The following GSDME variants were observed in gnomAD, a reference collection of about 807,000 sequenced individuals.
GSDME encodes the protein gasdermin-E.
In GSDME, 44 loss-of-function variants were observed where a neutral mutation model predicts 47.5. The observed-to-expected ratio is 0.93, with a 90% CI of 0.73 to 1.19. GSDME has a LOEUF of 1.19. Among genes scored for constraint, GSDME ranks in the 50% most tolerant of loss-of-function variants. The pLI is 0.00. For synonymous variants in GSDME, 258 were observed against 252.8 expected (o/e 1.02, Z -0.20); for missense variants, 663 against 604.2 (o/e 1.10, Z -1.02).
chr7:24,744,387 C>G lies in GSDME; in HGVS notation c.404+175G>C. On this transcript the variant is annotated intron_variant, in intron 3 of 9. Transcript: ENST00000645220. This position sits in a 1 kb window ranked among gnomAD's most constrained non-coding sequence, Gnocchi z 4.5. The stretch of plus-strand genomic sequence containing the variant: ...TCCCCCCACTCAGGCTAAGAACAGT[C>G]AAGCAATTCCAGACTAAAGAATGTG... The G allele has an allele frequency of 1.3e-6, 1 of 743,346 alleles. No homozygotes were observed. Among genetic ancestry groups the G allele is most frequent in the Non-Finnish European group, 2.3e-6 (1 of 437,852 alleles). The allele number at this position is 743,346 out of a possible 1,614,324, so 46.0% of individuals were successfully genotyped here.
chr7:24,766,438 T>A, the GSDME span, among the ~76,000 whole-genome samples: 6 of 152,122 alleles, frequency 3.9e-5, no homozygotes, highest in Admixed American at 2.0e-4. This position sits in a 1 kb window ranked among gnomAD's most constrained non-coding sequence, Gnocchi z 4.2. Context: ...TTTCTCCTAA[T>A]GCTCTCCCTC....
chr7:24,786,039 T>C, the GSDME span, among the ~76,000 whole-genome samples: 2 of 152,252 alleles, frequency 1.3e-5, no homozygotes, highest in Non-Finnish European at 2.9e-5. This position sits in a 1 kb window ranked among gnomAD's most constrained non-coding sequence, Gnocchi z 5.5. Flanking sequence ...GTCTGGCACA[T>C]GTCTGGTGGT....
the GSDME span, among the ~76,000 whole-genome samples, chr7:24,764,485 C>A: frequency 6.6e-6 from 1 of 152,192 alleles, no homozygotes; most frequent in Non-Finnish European, 1.5e-5. This position sits in a 1 kb window ranked among gnomAD's most constrained non-coding sequence, Gnocchi z 4.4. Flanking sequence ...TCTAGACATC[C>A]AGTGGGAATG....
At chr7:24,702,409 C>T in intron 9 of GSDME, 1 of 357,602 alleles carries the variant, frequency 2.8e-6, no homozygotes, top group Non-Finnish European at 5.5e-6. Flanking sequence ...TAGCACAAAA[C>T]TGCCATTGCA....
At chr7:24,743,583 A>C (rs1002329845) in intron 3 of GSDME, among the ~76,000 whole-genome samples, 8 of 152,266 alleles carry the variant, frequency 5.3e-5, no homozygotes, top group Middle Eastern at 3.4e-3. Flanking sequence ...GCTCTCAGTA[A>C]GTGTGAGCCT....
the GSDME span, among the ~76,000 whole-genome samples, chr7:24,773,821 G>C: frequency 6.6e-6 from 1 of 152,186 alleles, no homozygotes; most frequent in South Asian, 2.1e-4. The surrounding 1 kb of genome is among the most constrained non-coding windows in gnomAD (Gnocchi z 5.4). Flanking sequence ...GAAAGTTCTT[G>C]ACCCCTCCTT....
At position 24,710,280 on chromosome 7, in the gene GSDME, G is replaced by C; in HGVS notation, c.806C>G (p.Pro269Arg). The C allele has an allele frequency of 6.2e-7, 1 of 1,614,184 alleles. No homozygotes were observed. Among genetic ancestry groups the C allele is most frequent in the Non-Finnish European group, 8.5e-7 (1 of 1,180,020 alleles). The change falls in exon 6 of 10, where the codon CCA becomes CGA. Residue 269 changes from proline to arginine, a missense_variant. Coordinates refer to ENST00000645220, the MANE Select transcript of GSDME (RefSeq NM_001127453.2). The stretch of plus-strand genomic sequence containing the variant: ...GGAAGATATCCCATGCGCAGCATCT[G>C]GCATGTCTATGAATGCAAACTCTCG... ...VFREFAFIDM[P>R]DAAHGISSQD... is the part of the protein sequence containing the mutation.
At chr7:24,752,956 G>A (rs578181445) in intron 1 of GSDME, among the ~76,000 whole-genome samples, 11 of 150,650 alleles carry the variant, frequency 7.3e-5, no homozygotes, top group African/African-American at 2.4e-4. Flanking sequence ...GGGATTAGAC[G>A]GTAAAAAAGA....
At chr7:24,752,631 G>T (rs1030433589) in intron 1 of GSDME, among the ~76,000 whole-genome samples, 1 of 152,152 alleles carries the variant, frequency 6.6e-6, no homozygotes, top group African/African-American at 2.4e-5. Flanking sequence ...ACCAAGAGAG[G>T]GAATTTGAAA....
At chr7:24,755,960 G>A (rs1791003260) in intron 1 of GSDME, among the ~76,000 whole-genome samples, 1 of 152,218 alleles carries the variant, frequency 6.6e-6, no homozygotes, top group Non-Finnish European at 1.5e-5. Context: ...TTTCTAGATA[G>A]CAAAGTGCAA....
At chr7:24,747,216 G>C (rs1790695332) in intron 2 of GSDME, among the ~76,000 whole-genome samples, 1 of 152,312 alleles carries the variant, frequency 6.6e-6, no homozygotes, top group African/African-American at 2.4e-5. Flanking sequence ...CCGTTCGATA[G>C]AAGTTCTGCC....
chr7:24,780,912 C>T, the GSDME span, among the ~76,000 whole-genome samples: 1 of 152,160 alleles, frequency 6.6e-6, no homozygotes, highest in East Asian at 1.9e-4. This position sits in a 1 kb window ranked among gnomAD's most constrained non-coding sequence, Gnocchi z 4.1. Flanking sequence ...AGCCCCTACC[C>T]TCAGAAGGCC....
the GSDME span, among the ~76,000 whole-genome samples, chr7:24,773,937 T>C: frequency 6.6e-6 from 1 of 152,258 alleles, no homozygotes; most frequent in Non-Finnish European, 1.5e-5. This position sits in a 1 kb window ranked among gnomAD's most constrained non-coding sequence, Gnocchi z 5.4. Context: ...TAAATTTTCC[T>C]GTGTTTACAT....
chr7:24,723,450 G>A (rs761126512), intron 3 of GSDME, among the ~76,000 whole-genome samples: 10 of 152,148 alleles, frequency 6.6e-5, no homozygotes, highest in Non-Finnish European at 1.5e-4. Flanking sequence ...CCCTGTGCCC[G>A]CCTAGTGCAG....
upstream of GSDME, among the ~76,000 whole-genome samples, chr7:24,762,574 C>CCTAA (rs1791183574): frequency 6.6e-6 from 1 of 152,062 alleles, no homozygotes; most frequent in South Asian, 2.1e-4. Context: ...TAGTGACCTA[C>CCTAA]TAGGTGCTGG....
the GSDME span, among the ~76,000 whole-genome samples, chr7:24,790,422 C>T: frequency 2.6e-5 from 4 of 152,134 alleles, no homozygotes; most frequent in Non-Finnish European, 4.4e-5. This position sits in a 1 kb window ranked among gnomAD's most constrained non-coding sequence, Gnocchi z 4.1. Context: ...TCTCTTTTCA[C>T]GGGAAGCATA....
the GSDME span, among the ~76,000 whole-genome samples, chr7:24,769,424 C>T: frequency 6.6e-6 from 1 of 152,186 alleles, no homozygotes; most frequent in Admixed American, 6.5e-5. Context: ...CATTTTGAAA[C>T]ATGCCAGAGC....
chr7:24,709,638 G>GT (rs895501953), intron 6 of GSDME, among the ~76,000 whole-genome samples: 2 of 151,854 alleles, frequency 1.3e-5, no homozygotes, highest in Non-Finnish European at 2.9e-5. Context: ...TATATGCTGC[G>GT]CCCCCACATC....
At chr7:24,789,374 G>C in the GSDME span, among the ~76,000 whole-genome samples, 59 of 151,082 alleles carry the variant, frequency 3.9e-4, no homozygotes, top group Middle Eastern at 3.4e-3. Context: ...AGCATCGGCA[G>C]ACTTATGTCT....
Sources: gnomAD v4.1 joint callset for allele counts (sites outside exome capture counted in the v4.1 genomes callset) on GRCh38, gnomAD v4.1.1 for gene constraint, Gnocchi (gnomAD v3.1) non-coding constraint, MANE v1.5 for transcripts, NCBI Gene and HGNC (gene_info 2026-07-23, HGNC 2026-07-21) for gene names.